CACNA1E: variants seen among roughly 807,000 people sequenced by gnomAD.
CACNA1E encodes voltage-dependent R-type calcium channel subunit alpha-1E.
In CACNA1E, 40 loss-of-function variants were observed where a neutral mutation model predicts 259.2. The ratio of observed to expected loss-of-function variants is 0.15; its 90% CI spans 0.12 to 0.20. The LOEUF is 0.20. Among genes scored for constraint, CACNA1E ranks in the 10% least tolerant of loss-of-function variants. The pLI is 1.00. For synonymous variants in CACNA1E, 1,104 were observed against 1,138.5 expected (o/e 0.97, Z 0.61); for missense variants, 1,874 against 3,040.1 (o/e 0.62, Z 9.02).
chr1:181,370,479 G>A (rs937728614), intron 1 of CACNA1E, among the ~76,000 whole-genome samples: 3 of 151,994 alleles, frequency 2.0e-5, no homozygotes, highest in African/African-American at 7.3e-5. Flanking sequence ...CCCTCTTTAT[G>A]CCCCTGTGTA....
intron 17 of CACNA1E, among the ~76,000 whole-genome samples, chr1:181,725,434 G>C (rs1654811731): frequency 6.6e-6 from 1 of 152,180 alleles, no homozygotes; most frequent in South Asian, 2.1e-4. Flanking sequence ...TTACTGTGAG[G>C]ATCAAGTAAA....
At chr1:181,483,386 ACCCCTCTC>A (rs1417447670), upstream of CACNA1E, 3 of 174,750 alleles carry the variant, frequency 1.7e-5, no homozygotes, top group Non-Finnish European at 3.6e-5. Context: ...AGCCTACTCC[ACCCCTCTC>A]CTCTCTGGTC....
At chr1:181,318,186 G>C (rs546778048) in intron 1 of CACNA1E, 1 of 152,222 alleles carries the variant, frequency 6.6e-6, no homozygotes, top group South Asian at 2.1e-4. Context: ...CACTGCCTGC[G>C]GGGCTGCGCT....
chr1:181,660,079 T>C (rs566218646), intron 7 of CACNA1E, among the ~76,000 whole-genome samples: 1 of 152,312 alleles, frequency 6.6e-6, no homozygotes, highest in African/African-American at 2.4e-5. Flanking sequence ...CCGGTATGTG[T>C]ACAGGGCAGA....
chr1:181,482,584 C>T (rs1025716440), upstream of CACNA1E, among the ~76,000 whole-genome samples: 14 of 152,382 alleles, frequency 9.2e-5, no homozygotes, highest in African/African-American at 2.6e-4. Context: ...AGCTCCTCCC[C>T]CGCTTCTCCC....
chr1:181,508,654 G>T (rs1469216756), intron 1 of CACNA1E, among the ~76,000 whole-genome samples: 1 of 152,224 alleles, frequency 6.6e-6, no homozygotes, highest in African/African-American at 2.4e-5. Context: ...CCTGCGATCA[G>T]TGGGCATGGG....
At chr1:181,382,919 G>A (rs181703807) in intron 1 of CACNA1E, among the ~76,000 whole-genome samples, 1 of 152,194 alleles carries the variant, frequency 6.6e-6, no homozygotes, top group Admixed American at 6.5e-5. Context: ...TTAGGTGGTG[G>A]GATGAAGCTG....
intron 1 of CACNA1E, among the ~76,000 whole-genome samples, chr1:181,496,632 T>C (rs1473169000): frequency 1.3e-5 from 2 of 152,170 alleles, no homozygotes; most frequent in African/African-American, 4.8e-5. Flanking sequence ...CTTGGGACTC[T>C]TGGAAATTTG....
At chr1:181,506,507 C>T (rs1176063754) in intron 1 of CACNA1E, among the ~76,000 whole-genome samples, 1 of 152,232 alleles carries the variant, frequency 6.6e-6, no homozygotes, top group East Asian at 1.9e-4. Context: ...TAAGCTCCTA[C>T]TATATACCAT....
At chr1:181,425,501 A>C (rs1659100524) in intron 2 of CACNA1E, among the ~76,000 whole-genome samples, 1 of 151,828 alleles carries the variant, frequency 6.6e-6, no homozygotes, top group African/African-American at 2.4e-5. Context: ...GGCTGAAAAA[A>C]ATATTTATGA....
Position 181,510,598 on chromosome 1 carries a change from C to T in CACNA1E, c.372+16C>T. On this transcript the variant is annotated intron_variant, in intron 2 of 47. Transcript: ENST00000367573. ...CCGAAGACTGGTATGTGATTCCCCT[C>T]CTTCTCCCCTTTGCCCCTTTTGTCT... 6.7e-7 allele frequency: 1 copy of T among 1,488,962 alleles called. No individual in the cohort carries two copies. 92.2% of individuals were successfully genotyped at this position (1,488,962 alleles called of 1,614,324 possible).
chr1:181,423,955 C>T (rs1201528054), intron 2 of CACNA1E, among the ~76,000 whole-genome samples: 2 of 152,312 alleles, frequency 1.3e-5, no homozygotes, highest in South Asian at 2.1e-4. Flanking sequence ...CCACCATTCC[C>T]TACTGCCTTA....
chr1:181,386,539 A>G (rs945298222), intron 1 of CACNA1E, among the ~76,000 whole-genome samples: 1 of 152,236 alleles, frequency 6.6e-6, no homozygotes, highest in Non-Finnish European at 1.5e-5. Context: ...GAGCCATCCA[A>G]TAAAACTTTT....
chr1:181,410,443 G>A (rs1054998308), intron 1 of CACNA1E, among the ~76,000 whole-genome samples: 8 of 152,174 alleles, frequency 5.3e-5, no homozygotes, highest in African/African-American at 1.9e-4. Flanking sequence ...TGTGGTGCTG[G>A]TAGGGCAAGG....
chr1:181,506,608 C>T (rs1400235506), intron 1 of CACNA1E, among the ~76,000 whole-genome samples: 1 of 152,208 alleles, frequency 6.6e-6, no homozygotes, highest in Non-Finnish European at 1.5e-5. Context: ...AGAAATAATA[C>T]AGTCACACAA....
At chr1:181,576,392 AT>A (rs1650978281) in intron 3 of CACNA1E, among the ~76,000 whole-genome samples, 1 of 152,134 alleles carries the variant, frequency 6.6e-6, no homozygotes, top group South Asian at 2.1e-4. Context: ...GGCAGCACTA[AT>A]TGTGTCAGTT....
intron 2 of CACNA1E, among the ~76,000 whole-genome samples, chr1:181,431,975 G>T (rs978833343): frequency 6.6e-6 from 1 of 152,164 alleles, no homozygotes; most frequent in African/African-American, 2.4e-5. Context: ...AACAGGGTCT[G>T]CCCACCCTGC....
intron 1 of CACNA1E, among the ~76,000 whole-genome samples, chr1:181,360,768 A>G (rs907196710): frequency 1.3e-5 from 2 of 152,226 alleles, no homozygotes; most frequent in Admixed American, 6.5e-5. Context: ...TGAGTACTGA[A>G]AAAAACCCTC....
intron 8 of CACNA1E, among the ~76,000 whole-genome samples, chr1:181,715,130 C>T (rs959839889): frequency 6.6e-6 from 1 of 152,204 alleles, no homozygotes; most frequent in African/African-American, 2.4e-5. Context: ...CCCAAACACC[C>T]CCTCCCCGAG....
Sources: allele counts gnomAD v4.1 joint callset (sites outside exome capture counted in the v4.1 genomes callset), GRCh38; gene constraint gnomAD v4.1.1; transcripts MANE v1.5; gene names NCBI Gene and HGNC (gene_info 2026-07-23, HGNC 2026-07-21).